The following KCNN2 variants were observed in gnomAD, a reference collection of about 807,000 sequenced individuals.
KCNN2 encodes potassium calcium-activated channel subfamily N member 2, also known as small conductance calcium-activated potassium channel protein 2.
Under a neutral mutation model 55.5 loss-of-function variants are expected in KCNN2, and 24 were observed. That is an observed-to-expected ratio of 0.43 (90% CI 0.31 to 0.61). The LOEUF (loss-of-function observed/expected upper bound fraction) is 0.61. Ranked by LOEUF, KCNN2 falls within the 20% of genes least tolerant of loss-of-function variation. The probability of loss-of-function intolerance (pLI) is 0.08; values close to 1 mark genes in which losing one functional copy is unlikely to be tolerated. For missense variants in KCNN2, 754 were observed against 853.6 expected, an observed-to-expected ratio of 0.88 and a Z score of 1.45; for synonymous variants, 431 against 336.1, an observed-to-expected ratio of 1.28 and a Z score of -3.09.
intron 1 of KCNN2, among the ~76,000 whole-genome samples, chr5:114,079,323 AAATAT>A (rs1410510120): frequency 1.3e-5 from 2 of 152,246 alleles, no homozygotes; most frequent in Non-Finnish European, 2.9e-5. Flanking sequence ...GGCAAGCAAC[AAATAT>A]AATATAGCAT....
intron 2 of KCNN2, among the ~76,000 whole-genome samples, chr5:114,248,161 T>C (rs1754783473): frequency 6.6e-6 from 1 of 152,188 alleles, no homozygotes; most frequent in South Asian, 2.1e-4. Context: ...TTCCCCCAGA[T>C]TTTTACATGG....
intron 1 of KCNN2, among the ~76,000 whole-genome samples, chr5:114,153,813 C>T (rs1046327551): frequency 2.8e-4 from 42 of 152,176 alleles, no homozygotes; most frequent in African/African-American, 9.7e-4. Flanking sequence ...CTTCTCCAAA[C>T]GATCTCCAGG....
chr5:114,426,579 A>T (rs573767456), intron 3 of KCNN2, among the ~76,000 whole-genome samples: 2 of 152,302 alleles, frequency 1.3e-5, no homozygotes, highest in East Asian at 3.9e-4. Flanking sequence ...TTCTTTAAAC[A>T]TAAGGTAGAA....
chr5:114,169,734 A>T (rs1045283091), intron 1 of KCNN2, among the ~76,000 whole-genome samples: 36 of 152,068 alleles, frequency 2.4e-4, no homozygotes, highest in African/African-American at 8.4e-4. Flanking sequence ...GAACAAGGAC[A>T]TAGATGTTTG....
At chr5:114,410,166 C>T (rs1759086272) in intron 3 of KCNN2, among the ~76,000 whole-genome samples, 1 of 152,286 alleles carries the variant, frequency 6.6e-6, no homozygotes, top group Non-Finnish European at 1.5e-5. Context: ...ATTTCAGGAA[C>T]ATTTATGTTT....
chr5:114,338,239 C>G (rs928288291), intron 2 of KCNN2, among the ~76,000 whole-genome samples: 1 of 152,138 alleles, frequency 6.6e-6, no homozygotes, highest in Non-Finnish European at 1.5e-5. Context: ...ATACTGAAAA[C>G]TGTTTGGAGC....
chr5:114,173,199 A>G (rs977172002), intron 1 of KCNN2, among the ~76,000 whole-genome samples: 2 of 151,974 alleles, frequency 1.3e-5, no homozygotes, highest in African/African-American at 4.8e-5. Flanking sequence ...CTTTTCCCCA[A>G]CATATGTTGT....
chr5:114,483,137 A>G (rs1168653288), intron 5 of KCNN2, among the ~76,000 whole-genome samples: 1 of 152,014 alleles, frequency 6.6e-6, no homozygotes, highest in African/African-American at 2.4e-5. Context: ...CTTACTACCC[A>G]TGGTTTTATT....
At chr5:114,424,345 C>A (rs1288579667) in intron 3 of KCNN2, among the ~76,000 whole-genome samples, 1 of 152,140 alleles carries the variant, frequency 6.6e-6, no homozygotes, top group Non-Finnish European at 1.5e-5. Context: ...AAACTGACAC[C>A]TTTTCTTAGC....
At chr5:114,412,053 C>T (rs1472230720) in intron 3 of KCNN2, among the ~76,000 whole-genome samples, 1 of 152,112 alleles carries the variant, frequency 6.6e-6, no homozygotes, top group Non-Finnish European at 1.5e-5. Flanking sequence ...GGGAAAGCTC[C>T]TGTAGGATGA....
chr5:114,196,686 G>A (rs938836731), intron 1 of KCNN2, among the ~76,000 whole-genome samples: 37 of 151,752 alleles, frequency 2.4e-4, no homozygotes, highest in African/African-American at 7.5e-4. Context: ...TTTCTATAAG[G>A]TTGTTAGCAA....
intron 2 of KCNN2, among the ~76,000 whole-genome samples, chr5:114,301,433 G>A (rs1756157695): frequency 6.6e-6 from 1 of 151,996 alleles, no homozygotes. Context: ...ATGTTTCTTG[G>A]GTCTTTTCTC....
chr5:114,141,393 G>A (rs969062277), intron 1 of KCNN2, among the ~76,000 whole-genome samples: 3 of 149,582 alleles, frequency 2.0e-5, no homozygotes, highest in East Asian at 2.0e-4. Context: ...GTTTTTTTTT[G>A]TCCTTGTGAT....
chr5:114,477,803 C>T (rs1321701641), intron 5 of KCNN2, among the ~76,000 whole-genome samples: 2 of 152,100 alleles, frequency 1.3e-5, no homozygotes, highest in African/African-American at 2.4e-5. Flanking sequence ...TTTAAAGTTG[C>T]TAGATACCCC....
chr5:114,447,626 C>T (rs938515558), intron 3 of KCNN2, among the ~76,000 whole-genome samples: 1 of 152,174 alleles, frequency 6.6e-6, no homozygotes, highest in Non-Finnish European at 1.5e-5. Context: ...ATTCTCTCTC[C>T]AAGCTTCCCT....
intron 1 of KCNN2, among the ~76,000 whole-genome samples, chr5:114,095,475 C>T (rs1176501895): frequency 1.3e-5 from 2 of 152,140 alleles, no homozygotes; most frequent in Non-Finnish European, 2.9e-5. Flanking sequence ...ATTATAACCT[C>T]ATCTCACTGG....
intron 2 of KCNN2, among the ~76,000 whole-genome samples, chr5:114,301,182 A>C (rs1241525139): frequency 6.6e-6 from 1 of 152,136 alleles, no homozygotes; most frequent in Non-Finnish European, 1.5e-5. Flanking sequence ...GCTGATTCCT[A>C]AAGTTTGAAT....
chr5:114,350,682 G>C (rs1260352074), intron 2 of KCNN2, among the ~76,000 whole-genome samples: 1 of 151,840 alleles, frequency 6.6e-6, no homozygotes, highest in Non-Finnish European at 1.5e-5. Context: ...TGAATATCCA[G>C]TTTTCCTAGC....
At chr5:114,264,094 G>A (rs533682398) in intron 2 of KCNN2, among the ~76,000 whole-genome samples, 1 of 152,256 alleles carries the variant, frequency 6.6e-6, no homozygotes, top group African/African-American at 2.4e-5. Flanking sequence ...ATTATTTTAA[G>A]CTTCTAGCTA....
Sources: gnomAD v4.1 joint callset for allele counts (sites outside exome capture counted in the v4.1 genomes callset) on GRCh38, gnomAD v4.1.1 for gene constraint, MANE v1.5 for transcripts, NCBI Gene and HGNC (gene_info 2026-07-23, HGNC 2026-07-21) for gene names.